Variants in ROBO1 observed in about 807,000 individuals in gnomAD.
ROBO1 encodes the protein roundabout homolog 1.
In ROBO1, 149 loss-of-function variants were observed where a neutral mutation model predicts 195.9. That is an observed-to-expected ratio of 0.76 (90% confidence interval 0.67 to 0.87). The LOEUF is 0.87. Among genes scored for constraint, ROBO1 ranks in the 40% least tolerant of loss-of-function variants. ROBO1 has a pLI of 0.00. For missense variants in ROBO1, 1,933 were observed against 2,068.3 expected (o/e 0.93, Z 1.27); for synonymous variants, 816 against 733.2 (o/e 1.11, Z -1.82).
At chr3:78,908,785 G>A (rs1467889727) in intron 4 of ROBO1, among the ~76,000 whole-genome samples, 1 of 151,796 alleles carries the variant, frequency 6.6e-6, no homozygotes, top group Admixed American at 6.6e-5. Context: ...ACATTAATCT[G>A]TACTCTGGAG....
intron 2 of ROBO1, among the ~76,000 whole-genome samples, chr3:79,514,308 G>A (rs1559956315): frequency 6.6e-6 from 1 of 152,262 alleles, no homozygotes; most frequent in Admixed American, 6.5e-5. Flanking sequence ...TGGTGTGCGG[G>A]GGTGGAGGAG....
intron 2 of ROBO1, among the ~76,000 whole-genome samples, chr3:79,337,965 T>A (rs1261056611): frequency 6.6e-6 from 1 of 152,190 alleles, no homozygotes; most frequent in Non-Finnish European, 1.5e-5. Flanking sequence ...AAACAGCTTA[T>A]AAAATACAAG....
intron 21 of ROBO1, 89 bp from the exon 22 acceptor site, chr3:78,639,987 T>C: frequency 9.2e-7 from 1 of 1,083,302 alleles, no homozygotes; most frequent in Non-Finnish European, 1.3e-6. Context: ...CTCATCTTGT[T>C]ATGCTCACAA....
intron 1 of ROBO1, among the ~76,000 whole-genome samples, chr3:79,766,061 T>G (rs924565934): frequency 6.6e-6 from 1 of 151,574 alleles, no homozygotes; most frequent in Non-Finnish European, 1.5e-5. Flanking sequence ...TAAACTACCC[T>G]GTGAAATGAG....
chr3:79,575,477 AAT>A (rs1183393155), intron 2 of ROBO1, among the ~76,000 whole-genome samples: 101 of 135,872 alleles, frequency 7.4e-4, no homozygotes, highest in Non-Finnish European at 5.6e-4. Flanking sequence ...TACATATATA[AAT>A]ATATATAACA....
chr3:79,055,477 G>A (rs1208683915), intron 3 of ROBO1, among the ~76,000 whole-genome samples: 1 of 152,054 alleles, frequency 6.6e-6, no homozygotes, highest in African/African-American at 2.4e-5. Flanking sequence ...CATGGGACTA[G>A]TAGGTGGTGG....
At chr3:78,638,212 T>C (rs944385131) in intron 22 of ROBO1, among the ~76,000 whole-genome samples, 5 of 137,374 alleles carry the variant, frequency 3.6e-5, no homozygotes, top group Non-Finnish European at 8.1e-5. Flanking sequence ...TGTGTATATA[T>C]ATACACTTAT....
intron 1 of ROBO1, among the ~76,000 whole-genome samples, chr3:79,636,783 C>T (rs913355145): frequency 3.9e-5 from 6 of 152,150 alleles, no homozygotes; most frequent in Non-Finnish European, 8.8e-5. Context: ...TTTGAGATGA[C>T]AGTAGGGATA....
intron 3 of ROBO1, among the ~76,000 whole-genome samples, chr3:79,032,426 A>G (rs1169948530): frequency 6.6e-6 from 1 of 152,004 alleles, no homozygotes; most frequent in African/African-American, 2.4e-5. Context: ...AATTTAACTT[A>G]ATAAATTAAG....
chr3:78,752,071 C>T (rs550109769), intron 4 of ROBO1, among the ~76,000 whole-genome samples: 10 of 152,046 alleles, frequency 6.6e-5, no homozygotes, highest in African/African-American at 1.4e-4. Context: ...AAAATAAAGA[C>T]GAGGTAAATA....
chr3:78,685,948 T>C (rs756405331), intron 9 of ROBO1, 31 bp from the exon 10 acceptor site: 3 of 1,501,476 alleles, frequency 2.0e-6, no homozygotes, highest in South Asian at 1.3e-5. Context: ...TGGAGGAAAA[T>C]AAAAATAGGT....
intron 2 of ROBO1, among the ~76,000 whole-genome samples, chr3:79,288,562 C>T: frequency 6.6e-6 from 1 of 152,164 alleles, no homozygotes; most frequent in East Asian, 1.9e-4. Context: ...CAGTTGCAAT[C>T]TTGGATAAAA....
chr3:79,452,445 A>G (rs1400205397), intron 2 of ROBO1, among the ~76,000 whole-genome samples: 3 of 151,916 alleles, frequency 2.0e-5, no homozygotes, highest in Non-Finnish European at 4.4e-5. Flanking sequence ...ATAAGATATC[A>G]CCCTCCAATA....
At chr3:79,442,045 A>G (rs958196320) in intron 2 of ROBO1, among the ~76,000 whole-genome samples, 1 of 152,182 alleles carries the variant, frequency 6.6e-6, no homozygotes, top group Non-Finnish European at 1.5e-5. Context: ...AAAAAAAAGT[A>G]AAAGAATATA....
intron 1 of ROBO1, among the ~76,000 whole-genome samples, chr3:79,642,025 T>G (rs567078387): frequency 3.3e-5 from 5 of 152,068 alleles, no homozygotes; most frequent in African/African-American, 1.2e-4. Context: ...TTTTGTTTTG[T>G]TTTTTGTTTT....
intron 2 of ROBO1, among the ~76,000 whole-genome samples, chr3:79,219,603 G>T (rs533513376): frequency 3.9e-5 from 6 of 151,984 alleles, no homozygotes. Flanking sequence ...TGCTTGACCT[G>T]CAAGATGAAC....
intron 23 of ROBO1, among the ~76,000 whole-genome samples, chr3:78,634,906 A>T (rs1705403335): frequency 6.6e-6 from 1 of 152,196 alleles, no homozygotes; most frequent in African/African-American, 2.4e-5. Context: ...GCATTTTCAA[A>T]GAAAATGTTC....
chr3:79,210,890 C>T (rs1249216744), intron 2 of ROBO1, among the ~76,000 whole-genome samples: 1 of 152,024 alleles, frequency 6.6e-6, no homozygotes, highest in African/African-American at 2.4e-5. Flanking sequence ...ATCAGACGTC[C>T]TAATTTCATT....
At chr3:79,038,534 C>G (rs76674378) in intron 3 of ROBO1, among the ~76,000 whole-genome samples, 2 of 152,182 alleles carry the variant, frequency 1.3e-5, no homozygotes, top group Middle Eastern at 3.4e-3. Context: ...TGTCAGTATA[C>G]TTCTCACTCA....
Sources: gnomAD v4.1 joint callset for allele counts (sites outside exome capture counted in the v4.1 genomes callset) on GRCh38, gnomAD v4.1.1 for gene constraint, MANE v1.5 for transcripts, NCBI Gene and HGNC (gene_info 2026-07-23, HGNC 2026-07-21) for gene names.